Variants in IRAK1BP1 observed in about 807,000 individuals in gnomAD.
The protein encoded by IRAK1BP1 is interleukin-1 receptor-associated kinase 1-binding protein 1.
IRAK1BP1 carries 24 observed loss-of-function variants against 28.0 expected under a neutral mutation model. The observed-to-expected ratio is 0.86, with a 90% CI of 0.62 to 1.20. The LOEUF is 1.20. IRAK1BP1 is among the 50% of genes most tolerant of loss of function. The pLI is 0.00. For synonymous variants in IRAK1BP1, 131 were observed against 116.3 expected (o/e 1.13, Z -0.81); for missense variants, 336 against 316.7 (o/e 1.06, Z -0.46).
chr6:78,893,314 GTATATATATATATATATATATATA>G (rs60728695), intron 2 of IRAK1BP1, among the ~76,000 whole-genome samples: 1 of 103,432 alleles, frequency 9.7e-6, no homozygotes, highest in African/African-American at 3.4e-5. Flanking sequence ...GTGTGTGTGT[GTATATATATATATATATATATATA>G]TATATATATA....
chr6:78,921,892 G>A (rs559756267), intron 4 of IRAK1BP1, among the ~76,000 whole-genome samples: 14 of 152,146 alleles, frequency 9.2e-5, no homozygotes, highest in Admixed American at 3.3e-4. Flanking sequence ...ACTAACAAAC[G>A]GAAAGGACAT....
downstream of IRAK1BP1, among the ~76,000 whole-genome samples, chr6:78,903,757 G>A (rs1202647653): frequency 1.3e-5 from 2 of 151,862 alleles, no homozygotes; most frequent in African/African-American, 4.8e-5. Flanking sequence ...CCATTTTTCA[G>A]AATAAGACAC....
chr6:78,889,938 A>G (rs541654110), intron 2 of IRAK1BP1, among the ~76,000 whole-genome samples: 2 of 152,324 alleles, frequency 1.3e-5, no homozygotes, highest in Admixed American at 1.3e-4. Flanking sequence ...CCAAAGGATT[A>G]TAAATCATTC....
chr6:78,918,537 G>A (rs1772625137), intron 4 of IRAK1BP1, among the ~76,000 whole-genome samples: 3 of 126,332 alleles, frequency 2.4e-5, no homozygotes, highest in Non-Finnish European at 3.2e-5. Flanking sequence ...CAGAGGTCAT[G>A]GTTGTTATAT....
chr6:78,975,668 C>T, the IRAK1BP1 span, among the ~76,000 whole-genome samples: 1 of 152,196 alleles, frequency 6.6e-6, no homozygotes, highest in Non-Finnish European at 1.5e-5. Flanking sequence ...TAAGCAACTT[C>T]AGCAAAGTCT....
chr6:78,941,946 T>A (rs1773523414), intron 4 of IRAK1BP1, among the ~76,000 whole-genome samples: 1 of 152,164 alleles, frequency 6.6e-6, no homozygotes, highest in African/African-American at 2.4e-5. Context: ...CTGGAGATGA[T>A]GAATTACCTT....
downstream of IRAK1BP1, among the ~76,000 whole-genome samples, chr6:78,907,728 AT>A (rs977309648): frequency 1.3e-5 from 2 of 150,550 alleles, no homozygotes; most frequent in South Asian, 2.1e-4. Flanking sequence ...ATTTATTATT[AT>A]TTTTTTTTGA....
chr6:78,945,913 C>CT, exon 5 of IRAK1BP1: 1 of 927,210 alleles, frequency 1.1e-6, no homozygotes, highest in Non-Finnish European at 1.7e-6. Flanking sequence ...CTAGGAATTA[C>CT]TAAAACTCAG....
downstream of IRAK1BP1, among the ~76,000 whole-genome samples, chr6:78,950,999 T>C (rs1314984937): frequency 6.6e-6 from 1 of 152,180 alleles, no homozygotes; most frequent in Non-Finnish European, 1.5e-5. Flanking sequence ...GAAATTTCCC[T>C]GCATTGCTTT....
the IRAK1BP1 span, chr6:78,963,010 A>C: frequency 1.5e-6 from 2 of 1,315,168 alleles, no homozygotes; most frequent in Non-Finnish European, 2.1e-6. Flanking sequence ...ATATTGTGAA[A>C]AAAAATTTTT....
the IRAK1BP1 span, among the ~76,000 whole-genome samples, chr6:78,974,365 G>A: frequency 4.1e-3 from 616 of 151,652 alleles, 7 homozygotes; most frequent in African/African-American, 0.013. Context: ...TCTCTGGGAC[G>A]CATTCAAAGC....
rs1333414576 is a variant in IRAK1BP1, at chr6:78,935,277, G to A, written c.*68-10131G>A. Among the ~76,000 whole-genome samples the A allele has an allele frequency of 1.3e-5, 2 of 152,012 alleles. 1 individual carries two copies. The highest frequency in any genetic ancestry group is 4.1e-4 in the South Asian group (2 of 4,826). ...TCATTTTAACAAAACATCTTAGGGA[G>A]AAATTAACACAAAATTACAAATCAC... On this transcript the variant is annotated intron_variant and NMD_transcript_variant, in intron 4 of 4. Coordinates refer to the IRAK1BP1 transcript ENST00000606868.
intron 4 of IRAK1BP1, among the ~76,000 whole-genome samples, chr6:78,911,558 A>G (rs1397664511): frequency 6.6e-6 from 1 of 152,204 alleles, no homozygotes; most frequent in Non-Finnish European, 1.5e-5. Flanking sequence ...CTTTAAGTTG[A>G]AAACTGATAA....
chr6:78,941,210 T>C lies in IRAK1BP1; in HGVS notation c.*68-4198T>C, dbSNP rs767510206. The C allele has an allele frequency of 5.6e-6, 9 of 1,614,052 alleles. No individual in the cohort carries two copies. Among genetic ancestry groups the C allele is most frequent in the South Asian group, 2.2e-5 (2 of 91,070 alleles). ...TTTCTTGTGTATAATTTCACCACTATTGGTATTAACTTCTACTTTAGGTTT... is the reference window on the plus strand; with the variant it reads ...TTTCTTGTGTATAATTTCACCACTACTGGTATTAACTTCTACTTTAGGTTT... On this transcript the variant is annotated intron_variant and NMD_transcript_variant, in intron 4 of 4. Coordinates refer to the IRAK1BP1 transcript ENST00000606868.
the IRAK1BP1 span, among the ~76,000 whole-genome samples, chr6:78,978,903 T>C: frequency 6.6e-6 from 1 of 152,066 alleles, no homozygotes; most frequent in African/African-American, 2.4e-5. Flanking sequence ...ACTGAAAATA[T>C]TTGGAAAAAA....
chr6:78,939,220 C>T (rs181886921), intron 4 of IRAK1BP1: 5 of 151,834 alleles, frequency 3.3e-5, no homozygotes, highest in Admixed American at 3.3e-4. Flanking sequence ...GCAATACATT[C>T]TCCTAAGTCA....
At chr6:78,877,537 G>C (rs1005390851) in intron 1 of IRAK1BP1, among the ~76,000 whole-genome samples, 27 of 152,330 alleles carry the variant, frequency 1.8e-4, no homozygotes, top group African/African-American at 6.5e-4. Context: ...AATAGGAACA[G>C]CTCCAGTCTA....
chr6:78,941,135 T>C, intron 4 of IRAK1BP1: 1 of 1,614,086 alleles, frequency 6.2e-7, no homozygotes, highest in Non-Finnish European at 8.5e-7. Context: ...ATTATTTTGC[T>C]CTAAATCTTC....
chr6:78,976,011 T>G, the IRAK1BP1 span, among the ~76,000 whole-genome samples: 2 of 151,790 alleles, frequency 1.3e-5, no homozygotes. Context: ...CTTCACAGAA[T>G]TGGAAAAAAC....
Sources: allele counts gnomAD v4.1 joint callset (sites outside exome capture counted in the v4.1 genomes callset), GRCh38; gene constraint gnomAD v4.1.1; transcripts MANE v1.5; gene names NCBI Gene and HGNC (gene_info 2026-07-23, HGNC 2026-07-21).